EIF2A: variants seen among roughly 807,000 people sequenced by gnomAD.
EIF2A encodes the protein eukaryotic translation initiation factor 2A.
A neutral mutation model predicts 75.2 loss-of-function variants in EIF2A; 62 were observed. The observed-to-expected ratio is 0.82, with a 90% confidence interval of 0.67 to 1.02. The LOEUF (loss-of-function observed/expected upper bound fraction) is 1.02, where lower values mean the gene tolerates loss of function less well. Ranked by LOEUF, EIF2A falls within the 50% of genes least tolerant of loss-of-function variation. EIF2A has a pLI of 0.00. For missense variants in EIF2A, 611 were observed against 677.7 expected (o/e 0.90, Z 1.09); for synonymous variants, 207 against 239.0 (o/e 0.87, Z 1.23).
At chr3:150,553,785 TA>T (rs1389577283) in intron 2 of EIF2A, among the ~76,000 whole-genome samples, 3 of 152,222 alleles carry the variant, frequency 2.0e-5, no homozygotes, top group African/African-American at 7.2e-5. Context: ...TTAATTGTAT[TA>T]ATGTTGTTAG....
In EIF2A at chr3:150,584,955, G is replaced by T. The variant is rs1725390626; in HGVS notation, c.*1044G>T. Among the ~76,000 whole-genome samples, 2 of 150,194 alleles carry T rather than the reference G, an allele frequency of 1.3e-5. No individual in the cohort carries two copies. On this transcript the variant is annotated 3_prime_UTR_variant, in exon 14 of 14. Coordinates refer to ENST00000460851, the MANE Select transcript of EIF2A (RefSeq NM_032025.5). Reference sequence around the variant, plus strand: ...ACTACCACATTTTCCAGTTTTTTGTGTATCTTTCTAATGATAGATACCATA... The same window carrying T: ...ACTACCACATTTTCCAGTTTTTTGTTTATCTTTCTAATGATAGATACCATA...
intron 1 of EIF2A, 45 bp downstream of exon 1, chr3:150,546,875 T>C: frequency 1.2e-6 from 2 of 1,608,110 alleles, no homozygotes; most frequent in Non-Finnish European, 1.7e-6. Context: ...CAGACTAGTT[T>C]CTTATTTTTG....
chr3:150,581,261 A>T (rs1344474558), intron 11 of EIF2A, among the ~76,000 whole-genome samples: 2 of 152,168 alleles, frequency 1.3e-5, no homozygotes, highest in Non-Finnish European at 2.9e-5. Flanking sequence ...TTGATCATAC[A>T]TATTCTTTAT....
Position 150,563,575 on chromosome 3 carries a change from C to T in EIF2A, c.353C>T (p.Thr118Ile). 6 of 1,540,538 alleles carry T rather than the reference C, an allele frequency of 3.9e-6. 1 individual carries two copies. In the South Asian group the frequency reaches 5.0e-5, roughly 13 times the overall value. The change falls in exon 5 of 14, where the codon ACA becomes ATA. Residue 118 changes from threonine to isoleucine, a missense_variant. By Grantham distance (89) the Thr-to-Ile change is moderately conservative (BLOSUM62 -1). Coordinates refer to ENST00000460851, the MANE Select transcript of EIF2A (RefSeq NM_032025.5). ...NLQLYDVKTG[T>I]CLKSFIQKKM... ...CAACTTTATGATGTGAAAACTGGGA[C>T]ATGTTTGAAATCTTTCATCCAGAAA...
intron 1 of EIF2A, among the ~76,000 whole-genome samples, chr3:150,550,555 C>CA: frequency 6.6e-6 from 1 of 152,054 alleles, no homozygotes; most frequent in Non-Finnish European, 1.5e-5. Flanking sequence ...CTTAGAAGTA[C>CA]AAAATGTCAG....
At chr3:150,557,684 C>T in intron 2 of EIF2A, 1 of 389,064 alleles carries the variant, frequency 2.6e-6, no homozygotes, top group Non-Finnish European at 5.1e-6. Flanking sequence ...CAGGTGTGAG[C>T]CATTGCACCA....
chr3:150,571,455 A>G (rs999702507), intron 9 of EIF2A, among the ~76,000 whole-genome samples: 5 of 152,060 alleles, frequency 3.3e-5, no homozygotes, highest in African/African-American at 4.8e-5. Flanking sequence ...TGGCATTTTT[A>G]AAAATATAGG....
rs370514567 is a variant in EIF2A, at chr3:150,572,522, C to G, written c.1376C>G (p.Ser459Cys). 42 of 1,599,492 alleles carry G rather than the reference C, an allele frequency of 2.6e-5. No individual in the cohort carries two copies. The African/African-American group carries it at 5.0e-4, about 19-fold the overall frequency. The change falls in exon 10 of 14, where the codon TCC becomes TGC. Residue 459 changes from serine (S) to cysteine (C), a missense_variant. Transcript: ENST00000460851. ...PALRNKPITN[S>C]KLHEEEPPQN... ...TTAAGAAATAAACCAATCACCAATT[C>G]CAAATTGGTAAGTAAAGTTTTACTA...
Position 150,575,569 on chromosome 3 carries a change from A to G in EIF2A, c.1384-80A>G, listed in dbSNP as rs1359440505. 3.8e-6 allele frequency: 4 copies of G among 1,041,342 alleles called. No homozygotes were observed. In the East Asian group the frequency reaches 1.1e-4, roughly 28 times the overall value. The allele number at this position is 1,041,342 out of a possible 1,614,324, so 64.5% of individuals were successfully genotyped here. A position where few individuals can be genotyped will look rare whatever the true frequency, so the allele number is the denominator to read the frequency against. On this transcript the variant is annotated intron_variant, in intron 10 of 13. Coordinates refer to ENST00000460851, the MANE Select transcript of EIF2A (RefSeq NM_032025.5). ...ATTTGATAAAATAAGTTTATCCTATATTAGCAGAAGTGTATAATTTGTTGT... is the reference window on the plus strand; with the variant it reads ...ATTTGATAAAATAAGTTTATCCTATGTTAGCAGAAGTGTATAATTTGTTGT...
chr3:150,562,340 T>C (rs1723925271), intron 3 of EIF2A, among the ~76,000 whole-genome samples: 1 of 151,424 alleles, frequency 6.6e-6, no homozygotes, highest in Non-Finnish European at 1.5e-5. Context: ...GAGAATGGCA[T>C]GAACCGGGGA....
intron 3 of EIF2A, among the ~76,000 whole-genome samples, chr3:150,559,498 CTTTTTTT>C (rs36038911): frequency 1.8e-5 from 2 of 110,576 alleles, no homozygotes; most frequent in African/African-American, 6.9e-5. Context: ...ATGCCCAGCC[CTTTTTTT>C]TTTTTTTTTT....
intron 11 of EIF2A, among the ~76,000 whole-genome samples, chr3:150,577,838 G>A (rs1310641277): frequency 3.3e-5 from 5 of 152,124 alleles, no homozygotes; most frequent in Non-Finnish European, 7.4e-5. Context: ...CTATTTTAAG[G>A]TATAGAATTG....
chr3:150,560,166 G>C (rs1011796219), intron 3 of EIF2A, among the ~76,000 whole-genome samples: 1 of 152,030 alleles, frequency 6.6e-6, no homozygotes, highest in African/African-American at 2.4e-5. Flanking sequence ...CCTTCTATGG[G>C]ATTCAACTCT....
intron 10 of EIF2A, among the ~76,000 whole-genome samples, chr3:150,574,065 A>G (rs1724705170): frequency 6.6e-6 from 1 of 152,064 alleles, no homozygotes; most frequent in African/African-American, 2.4e-5. Context: ...CAAAACAAAT[A>G]GTTGGGCATG....
chr3:150,553,054 C>T (rs959941360), intron 2 of EIF2A, among the ~76,000 whole-genome samples: 5 of 152,102 alleles, frequency 3.3e-5, no homozygotes, highest in African/African-American at 7.2e-5. Flanking sequence ...CGGTGGCTCA[C>T]GCCTGTAATC....
chr3:150,581,569 G>A (rs1189687166), intron 11 of EIF2A, 49 bp from the exon 12 acceptor site: 2 of 1,541,188 alleles, frequency 1.3e-6, no homozygotes, highest in African/African-American at 2.8e-5. Flanking sequence ...TTTAAATACT[G>A]TAATGTTTTT....
chr3:150,569,328 GAGAC>G (rs1247444311), intron 9 of EIF2A, among the ~76,000 whole-genome samples: 1 of 151,984 alleles, frequency 6.6e-6, no homozygotes, highest in African/African-American at 2.4e-5. Context: ...ACTCTTCAGA[GAGAC>G]AAACTATGAC....
At chr3:150,565,234 AG>A (rs1156823205) in intron 6 of EIF2A, 3 of 456,450 alleles carry the variant, frequency 6.6e-6, no homozygotes, top group African/African-American at 4.0e-5. Context: ...TAGGTGAGTA[AG>A]GGTAAGACTA....
chr3:150,550,126 GT>G (rs1362261537), intron 1 of EIF2A, among the ~76,000 whole-genome samples: 2 of 70,776 alleles, frequency 2.8e-5, no homozygotes, highest in Non-Finnish European at 7.0e-5. Context: ...TGAAACTGGC[GT>G]TTATTTGTTG....
Sources: gnomAD v4.1 joint callset for allele counts (sites outside exome capture counted in the v4.1 genomes callset) on GRCh38, gnomAD v4.1.1 for gene constraint, MANE v1.5 for transcripts, NCBI Gene and HGNC (gene_info 2026-07-23, HGNC 2026-07-21) for gene names.